KANK1: variants seen among roughly 807,000 people sequenced by gnomAD.
The protein encoded by KANK1 is KN motif and ankyrin repeat domains 1.
A neutral mutation model predicts 106.2 loss-of-function variants in KANK1; 109 were observed. That is an observed-to-expected ratio of 1.03 (90% CI 0.88 to 1.20). The LOEUF is 1.20. Among genes scored for constraint, KANK1 ranks in the 50% most tolerant of loss-of-function variants. The pLI, the probability that KANK1 is intolerant of heterozygous loss-of-function variation, is 0.00. For synonymous variants in KANK1, 873 were observed against 652.2 expected, an observed-to-expected ratio of 1.34 and a Z score of -5.16; for missense variants, 2,399 against 1,710.7, an observed-to-expected ratio of 1.40 and a Z score of -7.10.
At position 745,469 on chromosome 9, in the gene KANK1, C is replaced by A. The variant is rs776372878; in HGVS notation, c.*234C>A. 1.1e-5 allele frequency: 5 copies of A among 450,648 alleles called. No homozygotes were observed. The highest frequency in any genetic ancestry group is 2.0e-5 in the Non-Finnish European group (5 of 250,874). The allele number at this position is 450,648 out of a possible 1,614,324, so 27.9% of individuals were successfully genotyped here. A position where few individuals can be genotyped will look rare whatever the true frequency, so the allele number is the denominator to read the frequency against. On this transcript the variant is annotated 3_prime_UTR_variant, in exon 12 of 12. Coordinates refer to ENST00000382297, the MANE Select transcript of KANK1 (RefSeq NM_015158.5). ...GCACACTTTAACCCAGTCTCTGTTG[C>A]TGTTGAGTCTCTGCTCCGTTTTGTA... is the stretch of plus-strand genomic sequence containing the variant.
chr9:493,968 C>A (rs954526281), intron 3 of KANK1, among the ~76,000 whole-genome samples: 1 of 151,544 alleles, frequency 6.6e-6, no homozygotes, highest in Admixed American at 6.6e-5. Context: ...CCACAACTTA[C>A]ACCTCCCGGG....
intron 1 of KANK1, among the ~76,000 whole-genome samples, chr9:579,420 A>G (rs1016858230): frequency 5.3e-5 from 8 of 152,158 alleles, no homozygotes; most frequent in Non-Finnish European, 8.8e-5. Flanking sequence ...AAAGCACAGG[A>G]AGTTGAAGGA....
intron 3 of KANK1, among the ~76,000 whole-genome samples, chr9:487,108 T>TA (rs1227727720): frequency 3.3e-4 from 50 of 152,292 alleles, no homozygotes; most frequent in African/African-American, 1.2e-3. Context: ...AGTGGATATA[T>TA]ACAAGATGGT....
intron 1 of KANK1, among the ~76,000 whole-genome samples, chr9:673,285 A>T (rs922609422): frequency 4.4e-5 from 6 of 135,814 alleles, no homozygotes; most frequent in African/African-American, 1.4e-4. Context: ...ATCTCGGCTC[A>T]CCGCAACCTC....
intron 1 of KANK1, among the ~76,000 whole-genome samples, chr9:610,329 C>A (rs1316700088): frequency 6.6e-6 from 1 of 152,130 alleles, no homozygotes; most frequent in South Asian, 2.1e-4. Context: ...CAGTCCTGCT[C>A]TCCAAAGTGA....
At position 486,739 on chromosome 9, in the gene KANK1, A is replaced by C. The variant is rs568974961; in HGVS notation, c.-362+13466A>C. Among the ~76,000 whole-genome samples, 137 of 152,332 alleles carry C rather than the reference A, an allele frequency of 9.0e-4. 2 individuals carry two copies. The highest frequency in any genetic ancestry group is 1.2e-3 in the South Asian group (6 of 4,832). On this transcript the variant is annotated intron_variant, in intron 3 of 15. Coordinates refer to the KANK1 transcript ENST00000382303. ...AACTTATATTTCCGTCATTATAAAAAAATAAAAAGCAAAAACCTCAAATAT... is the reference window on the plus strand; with the variant it reads ...AACTTATATTTCCGTCATTATAAAACAATAAAAAGCAAAAACCTCAAATAT...
chr9:481,812 C>T (rs186245376), intron 3 of KANK1, among the ~76,000 whole-genome samples: 1 of 151,726 alleles, frequency 6.6e-6, no homozygotes, highest in African/African-American at 2.4e-5. Flanking sequence ...CCACTGCACT[C>T]CAGCCTGGGT....
chr9:565,716 G>A (rs979895378), intron 1 of KANK1, among the ~76,000 whole-genome samples: 8 of 152,078 alleles, frequency 5.3e-5, no homozygotes, highest in Admixed American at 3.9e-4. Context: ...TCAGCCAGTC[G>A]TCAAAAATGC....
At chr9:530,162 T>C (rs900380627) in intron 1 of KANK1, among the ~76,000 whole-genome samples, 1 of 152,236 alleles carries the variant, frequency 6.6e-6, no homozygotes, top group Non-Finnish European at 1.5e-5. Flanking sequence ...CCTCATGTGA[T>C]AAGAATTGGA....
At chr9:473,367 T>G (rs188380601) in intron 3 of KANK1, 1 of 152,324 alleles carries the variant, frequency 6.6e-6, no homozygotes, top group Non-Finnish European at 1.5e-5. Context: ...GACTATTGGA[T>G]AGGGGTCTGA....
chr9:545,758 C>T (rs2060891215), intron 1 of KANK1, among the ~76,000 whole-genome samples: 1 of 129,950 alleles, frequency 7.7e-6, no homozygotes, highest in Non-Finnish European at 1.6e-5. Flanking sequence ...TTTTAAATTC[C>T]CTGAGATGTA....
intron 1 of KANK1, among the ~76,000 whole-genome samples, chr9:567,743 T>G (rs1818157764): frequency 6.6e-6 from 1 of 152,252 alleles, no homozygotes. Context: ...CTCATGGAAC[T>G]TTGGTGCAGT....
Position 711,030 on chromosome 9 carries a change from C to A in KANK1, c.264C>A (p.Ser88=). The change falls in exon 3 of 12, where the codon TCC becomes TCA. Residue 88 remains serine (S), a synonymous_variant. Coordinates refer to ENST00000382297, the MANE Select transcript of KANK1 (RefSeq NM_015158.5). ...CTGGTCAGCAAGGTATATGGACTTC[C>A]ACTGAATCCCTCTCATCCTCCAACA... is the stretch of plus-strand genomic sequence containing the variant. ...TTSGQQGIWT[S]TESLSSSNSD... 1 of 1,614,178 alleles carries A rather than the reference C, an allele frequency of 6.2e-7. No homozygotes were observed. Among genetic ancestry groups the A allele is most frequent in the Non-Finnish European group, 8.5e-7 (1 of 1,180,038 alleles).
intron 1 of KANK1, among the ~76,000 whole-genome samples, chr9:604,312 T>C (rs1254996739): frequency 6.6e-6 from 1 of 151,704 alleles, no homozygotes; most frequent in Non-Finnish European, 1.5e-5. Context: ...CCAAATCTCA[T>C]CTCAAATTGT....
At position 734,582 on chromosome 9, in the gene KANK1, C is replaced by G. The variant is rs574899053; in HGVS notation, c.3246-166C>G. ...TAGGGAGGCTGAGGCAGGAGGATTG[C>G]TTGAATCCAGGAGGCGGAGGTTGCA... On this transcript the variant is annotated intron_variant, in intron 6 of 11. Coordinates refer to ENST00000382297, the MANE Select transcript of KANK1 (RefSeq NM_015158.5). 445 of 512,094 alleles carry G rather than the reference C, an allele frequency of 8.7e-4. 2 individuals carry two copies. The highest frequency in any genetic ancestry group is 8.2e-3 in the Middle Eastern group (16 of 1,948). 31.7% of individuals were successfully genotyped at this position (512,094 alleles called of 1,614,324 possible).
At chr9:735,019 C>T (rs1241260524) in intron 7 of KANK1, among the ~76,000 whole-genome samples, 184 bp downstream of exon 7, 7 of 152,168 alleles carry the variant, frequency 4.6e-5, no homozygotes, top group Admixed American at 4.6e-4. Context: ...GCCAGCGTTT[C>T]CTTGAGGCCC....
In KANK1 at chr9:744,604, T is replaced by C. The variant is rs1287360943; in HGVS notation, c.3996+15T>C. On this transcript the variant is annotated intron_variant, in intron 11 of 11. Transcript: ENST00000382297. The stretch of plus-strand genomic sequence containing the variant: ...CCCAGTCTCCGGTCAGTGTTGTGCA[T>C]TTGGCATTTGTAAATAGGCTGAAAT... 4.3e-6 allele frequency: 7 copies of C among 1,614,078 alleles called. No homozygotes were observed. The highest frequency in any genetic ancestry group is 5.1e-6 in the Non-Finnish European group (6 of 1,179,974).
At position 476,337 on chromosome 9, in the gene KANK1, A is replaced by G. The variant is rs200807956; in HGVS notation, c.-362+3064A>G. Among the ~76,000 whole-genome samples, 271 of 152,200 alleles carry G rather than the reference A, an allele frequency of 1.8e-3. 1 individual carries two copies. Among genetic ancestry groups the G allele is most frequent in the East Asian group, 0.017 (89 of 5,144 alleles). ...GCAGTTCAAGACCAGCCTGGTCAAC[A>G]TAGTGAAACCCTGTCTCTACTAAAA... On this transcript the variant is annotated intron_variant, in intron 3 of 15. Coordinates refer to the KANK1 transcript ENST00000382303.
chr9:607,084 T>G (rs1829390423), intron 1 of KANK1, among the ~76,000 whole-genome samples: 1 of 151,868 alleles, frequency 6.6e-6, no homozygotes, highest in Non-Finnish European at 1.5e-5. Flanking sequence ...CTTAGACTAG[T>G]AATTAATACA....
Sources: allele counts gnomAD v4.1 joint callset (sites outside exome capture counted in the v4.1 genomes callset), GRCh38; gene constraint gnomAD v4.1.1; transcripts MANE v1.5; gene names NCBI Gene and HGNC (gene_info 2026-07-23, HGNC 2026-07-21).